BTF3: variants seen among roughly 807,000 people sequenced by gnomAD.
The protein encoded by BTF3 is transcription factor BTF3.
Under a neutral mutation model 23.9 loss-of-function variants are expected in BTF3, and 12 were observed. The observed-to-expected ratio is 0.50, with a 90% CI of 0.32 to 0.81. The LOEUF (loss-of-function observed/expected upper bound fraction) is 0.81, where lower values mean the gene tolerates loss of function less well. Ranked by LOEUF, BTF3 falls within the 40% of genes least tolerant of loss-of-function variation. BTF3 has a pLI of 0.03. For synonymous variants in BTF3, 96 were observed against 94.8 expected (o/e 1.01, Z -0.07); for missense variants, 215 against 255.9 (o/e 0.84, Z 1.09).
At chr5:73,502,274 A>C (rs930895913) in intron 2 of BTF3, among the ~76,000 whole-genome samples, 1 of 152,124 alleles carries the variant, frequency 6.6e-6, no homozygotes, top group East Asian at 1.9e-4. Context: ...GAGCAAATGT[A>C]AAAAGTAGAA....
chr5:73,498,719 G>T lies in BTF3; in HGVS notation c.52G>T (p.Ala18Ser). ...GGCTGACTCTCGGGGGCGAGGTCGAGCCAGGGGCGGCTGCCCTGGGGGCGA... is the reference window on the plus strand; with the variant it reads ...GGCTGACTCTCGGGGGCGAGGTCGATCCAGGGGCGGCTGCCCTGGGGGCGA... Reference protein sequence around the residue: ...AQADSRGRGRARGGCPGGEAT... With the variant: ...AQADSRGRGRSRGGCPGGEAT... The change falls in exon 1 of 6, where the codon GCC becomes TCC. Residue 18 changes from alanine to serine, a missense_variant. Physicochemically the swap from Ala to Ser is moderately conservative, Grantham distance 99. This residue lies in a region of BTF3 where 116 missense variants were observed against 84.7 expected (regional missense o/e 1.37). Transcript: ENST00000380591. 6.7e-7 allele frequency: 1 copy of T among 1,487,912 alleles called. No homozygotes were observed. 92.2% of individuals were successfully genotyped at this position (1,487,912 alleles called of 1,614,324 possible). A position where few individuals can be genotyped will look rare whatever the true frequency, so the allele number is the denominator to read the frequency against.
chr5:73,502,173 A>AC (rs993472829), intron 2 of BTF3, among the ~76,000 whole-genome samples: 10 of 152,012 alleles, frequency 6.6e-5, no homozygotes, highest in African/African-American at 2.4e-4. Context: ...AAAAAAAAAA[A>AC]AAAAAACAGA....
chr5:73,498,756 C>T lies in BTF3; in HGVS notation c.89C>T (p.Ser30Phe), dbSNP rs1675172799. 2 of 1,501,218 alleles carry T rather than the reference C, an allele frequency of 1.3e-6. No homozygotes were observed. The highest frequency in any genetic ancestry group is 2.5e-5 in the South Asian group (2 of 80,208). The allele number at this position is 1,501,218 out of a possible 1,614,324, so 93.0% of individuals were successfully genotyped here. A position where few individuals can be genotyped will look rare whatever the true frequency, so the allele number is the denominator to read the frequency against. The change falls in exon 1 of 6, where the codon TCT becomes TTT. Residue 30 changes from serine to phenylalanine, a missense_variant. Ser to Phe is a radical substitution (Grantham distance 155, BLOSUM62 -2). Transcript: ENST00000380591. ...GGCPGGEATL[S>F]QPPPRGGTRG... ...TGCCCTGGGGGCGAGGCGACGCTGT[C>T]TCAACCTCCACCTCGCGGCGGAACC... is the stretch of plus-strand genomic sequence containing the variant.
chr5:73,502,933 C>T lies in BTF3; in HGVS notation c.333C>T (p.Asn111=), dbSNP rs1456824896. ...CTTAATAGGTGAATATGTTTACAAA[C>T]CAAGGAACAGTGATCCACTTTAACA... ...SGIEEVNMFT[N]QGTVIHFNNP... Residue 111 remains asparagine (N), a synonymous_variant, in exon 4 of 6, where the codon AAC becomes AAT. Coordinates refer to ENST00000380591, the MANE Select transcript of BTF3 (RefSeq NM_001037637.2). 5.0e-6 allele frequency: 8 copies of T among 1,612,274 alleles called. No homozygotes were observed. Among genetic ancestry groups the T allele is most frequent in the African/African-American group, 1.3e-5 (1 of 74,828 alleles).
intron 2 of BTF3, among the ~76,000 whole-genome samples, chr5:73,501,540 CATA>C (rs1746436061): frequency 2.0e-5 from 3 of 152,100 alleles, no homozygotes. Context: ...GATCAGGTGA[CATA>C]AGAGTAGAGA....
chr5:73,499,714 G>A (rs910709190), intron 2 of BTF3: 8 of 189,294 alleles, frequency 4.2e-5, no homozygotes, highest in African/African-American at 1.7e-4. Context: ...AACCCAAGTA[G>A]GTATCTTTCC....
Position 73,505,444 on chromosome 5 carries a change from A to C in BTF3, c.*206A>C, listed in dbSNP as rs1746534032. ...TTCTTTGCAGCTAATTAAGCCGAAG[A>C]AGCCTGGGAATCAAGTTTGAAACAA... On this transcript the variant is annotated 3_prime_UTR_variant, in exon 6 of 6. Transcript: ENST00000380591. The C allele has an allele frequency of 2.1e-6, 1 of 473,248 alleles. No homozygotes were observed. Among genetic ancestry groups the C allele is most frequent in the South Asian group, 3.4e-5 (1 of 29,574 alleles). The allele number at this position is 473,248 out of a possible 1,614,324, so 29.3% of individuals were successfully genotyped here.
At chr5:73,502,412 G>A (rs1219130336) in intron 2 of BTF3, 76 bp from the exon 3 acceptor site, 1 of 1,034,094 alleles carries the variant, frequency 9.7e-7, no homozygotes, top group East Asian at 2.5e-5. Flanking sequence ...GAAATGAATT[G>A]GAAACTATTC....
At chr5:73,500,515 T>G (rs886830755) in intron 2 of BTF3, among the ~76,000 whole-genome samples, 45 of 152,236 alleles carry the variant, frequency 3.0e-4, no homozygotes, top group African/African-American at 1.0e-3. Context: ...GATTAAATTT[T>G]GTGTCCTAAC....
Position 73,498,942 on chromosome 5 carries a change from G to A in BTF3, c.132+143G>A, listed in dbSNP as rs1029844438. On this transcript the variant is annotated intron_variant, in intron 1 of 5. Coordinates refer to ENST00000380591, the MANE Select transcript of BTF3 (RefSeq NM_001037637.2). ...CCTGCCAAGAGCGGGGAGCTGTGGG[G>A]GAGTGGTGGGGAGGCGGGTGCTCTT... 13 of 1,339,648 alleles carry A rather than the reference G, an allele frequency of 9.7e-6. No homozygotes were observed. In the Admixed American group the frequency reaches 2.5e-4, roughly 26 times the overall value. 83.0% of individuals were successfully genotyped at this position (1,339,648 alleles called of 1,614,324 possible). A position where few individuals can be genotyped will look rare whatever the true frequency, so the allele number is the denominator to read the frequency against.
chr5:73,502,468 C>T lies in BTF3; in HGVS notation c.202-20C>T, dbSNP rs748726273. The T allele has an allele frequency of 2.5e-5, 38 of 1,550,228 alleles. No homozygotes were observed. The highest frequency in any genetic ancestry group is 1.7e-4 in the Middle Eastern group (1 of 5,772). ...GTGGTATAAATGTGCTGTTTTCTTT[C>T]CTCTTCTCCCTGACTTTAGGGAACT... On this transcript the variant is annotated intron_variant, in intron 2 of 5. Transcript: ENST00000380591.
At chr5:73,499,639 A>G (rs891279765) in intron 2 of BTF3, 3 of 268,548 alleles carry the variant, frequency 1.1e-5, no homozygotes, top group South Asian at 3.9e-5. Flanking sequence ...GCATATTTCA[A>G]GGGTATTTGA....
chr5:73,499,352 G>C (rs1580357067), intron 2 of BTF3, 150 bp downstream of exon 2: 1 of 829,490 alleles, frequency 1.2e-6, no homozygotes, highest in Non-Finnish European at 2.0e-6. Context: ...AGGAGCGGGG[G>C]AGACGAGGGT....
intron 3 of BTF3, 145 bp downstream of exon 3, chr5:73,502,746 T>C: frequency 1.2e-6 from 1 of 828,572 alleles, no homozygotes; most frequent in Non-Finnish European, 1.9e-6. Context: ...TTAATAAATA[T>C]CAGGGAGCTC....
In BTF3 at chr5:73,499,322, C is replaced by G. The variant is rs1172786866; in HGVS notation, c.201+120C>G. On this transcript the variant is annotated intron_variant, in intron 2 of 5. Coordinates refer to ENST00000380591, the MANE Select transcript of BTF3 (RefSeq NM_001037637.2). ...CAAACTTTGCCTATCGAGGGAAATT[C>G]ACGGAGCTAGCAAATCTCGAGGAGC... 1.8e-5 allele frequency: 20 copies of G among 1,109,652 alleles called. No individual in the cohort carries two copies. The Admixed American group carries it at 3.8e-4, about 21-fold the overall frequency. The allele number at this position is 1,109,652 out of a possible 1,614,324, so 68.7% of individuals were successfully genotyped here.
In BTF3 at chr5:73,498,578, G is replaced by C; in HGVS notation, c.-90G>C. ...GACAAGGTACAAAAAGGCTCTGGAC[G>C]GCGGCGTGGTAGGAGGACGGGAGCG... On this transcript the variant is annotated 5_prime_UTR_variant, in exon 1 of 6. Coordinates refer to ENST00000380591, the MANE Select transcript of BTF3 (RefSeq NM_001037637.2). 7.1e-7 allele frequency: 1 copy of C among 1,405,622 alleles called. No homozygotes were observed. Among genetic ancestry groups the C allele is most frequent in the Non-Finnish European group, 9.2e-7 (1 of 1,087,898 alleles). The allele number at this position is 1,405,622 out of a possible 1,614,324, so 87.1% of individuals were successfully genotyped here.
At chr5:73,504,273 T>A in intron 4 of BTF3, 74 bp from the exon 5 acceptor site, 1 of 585,670 alleles carries the variant, frequency 1.7e-6, no homozygotes, top group Non-Finnish European at 2.5e-6. Flanking sequence ...TGTTCTTTTT[T>A]TTTTTTTTTT....
chr5:73,498,674 C>G lies in BTF3; in HGVS notation c.7C>G (p.Arg3Gly). The G allele has an allele frequency of 6.7e-7, 1 of 1,498,140 alleles. No individual in the cohort carries two copies. The highest frequency in any genetic ancestry group is 8.8e-7 in the Non-Finnish European group (1 of 1,132,660). 92.8% of individuals were successfully genotyped at this position (1,498,140 alleles called of 1,614,324 possible). A position where few individuals can be genotyped will look rare whatever the true frequency, so the allele number is the denominator to read the frequency against. The change falls in exon 1 of 6, where the codon CGG (arginine) becomes GGG (glycine). Residue 3 changes from arginine (R) to glycine (G), a missense_variant. Physicochemically the swap from Arg to Gly is moderately radical, Grantham distance 125. Around this residue, in one of 2 missense-constraint regions of BTF3, gnomAD observed 116 missense variants for 84.7 expected, o/e 1.37. Coordinates refer to ENST00000380591, the MANE Select transcript of BTF3 (RefSeq NM_001037637.2). MR[R>G]TGAPAQADSR... Reference sequence around the variant, plus strand: ...AGAGGAGGAGAGGAAGGCGATGCGACGGACAGGCGCACCCGCTCAGGCTGA... The same window carrying G: ...AGAGGAGGAGAGGAAGGCGATGCGAGGGACAGGCGCACCCGCTCAGGCTGA...
intron 1 of BTF3, 78 bp from the exon 2 acceptor site, chr5:73,499,056 G>A: frequency 4.9e-6 from 7 of 1,432,604 alleles, no homozygotes; most frequent in East Asian, 2.3e-5. Context: ...TTTTCCTGCT[G>A]GTATCTTGGG....
Sources: gnomAD v4.1 joint callset for allele counts (sites outside exome capture counted in the v4.1 genomes callset) on GRCh38, gnomAD v4.1.1 for gene constraint, gnomAD v4.1.1 regional missense constraint, MANE v1.5 for transcripts, NCBI Gene and HGNC (gene_info 2026-07-23, HGNC 2026-07-21) for gene names.